The following RBM45 variants were observed in gnomAD, a reference collection of about 807,000 sequenced individuals.
The protein encoded by RBM45 is RNA-binding protein 45.
A neutral mutation model predicts 58.5 loss-of-function variants in RBM45; 39 were observed. The ratio of observed to expected loss-of-function variants is 0.67; its 90% CI spans 0.52 to 0.87. The LOEUF is 0.87. RBM45 is among the 40% of genes least tolerant of loss of function. The probability of loss-of-function intolerance (pLI) is 0.00; values close to 1 mark genes in which losing one functional copy is unlikely to be tolerated. For synonymous variants in RBM45, 193 were observed against 203.0 expected, an observed-to-expected ratio of 0.95 and a Z score of 0.42; for missense variants, 481 against 581.6, an observed-to-expected ratio of 0.83 and a Z score of 1.78.
chr2:178,127,044 CTT>C (rs2087940328), intron 9 of RBM45, among the ~76,000 whole-genome samples: 1 of 152,050 alleles, frequency 6.6e-6, no homozygotes, highest in Admixed American at 6.5e-5. Context: ...ACAAGTGATT[CTT>C]CTGCCTCAGC....
intron 9 of RBM45, among the ~76,000 whole-genome samples, chr2:178,128,753 T>C (rs1369375059): frequency 6.6e-6 from 1 of 152,258 alleles, no homozygotes; most frequent in African/African-American, 2.4e-5. Context: ...TTTCTTCTAA[T>C]TGCAGCATGG....
At chr2:178,114,284 C>T (rs1473848557) in intron 1 of RBM45, among the ~76,000 whole-genome samples, 1 of 152,036 alleles carries the variant, frequency 6.6e-6, no homozygotes, top group East Asian at 1.9e-4. Context: ...TATCGCTGTC[C>T]AATTATGACC....
chr2:178,124,987 C>T (rs1266858870), intron 8 of RBM45, among the ~76,000 whole-genome samples: 1 of 152,078 alleles, frequency 6.6e-6, no homozygotes, highest in Non-Finnish European at 1.5e-5. Flanking sequence ...TTTAACATAA[C>T]TCCTTTCTTT....
At chr2:178,134,701 G>A (rs1340156609) in intron 3 of RBM45, among the ~76,000 whole-genome samples, 1 of 151,940 alleles carries the variant, frequency 6.6e-6, no homozygotes, top group African/African-American at 2.4e-5. Flanking sequence ...TGTCAACAAA[G>A]CCTATCTGGG....
At position 178,121,214 on chromosome 2, in the gene RBM45, T is replaced by C. The variant is rs951432458; in HGVS notation, c.708T>C (p.Asn236=). ...QQSEFSSFDK[N]DSRGQEAISK... ...CTGAATTTTCAAGTTTTGACAAGAA[T>C]GATAGCCGAGGCCAGGAAGCAATCT... Residue 236 remains asparagine, a synonymous_variant, in exon 5 of 10, where the codon AAT becomes AAC. Coordinates refer to ENST00000286070, the MANE Select transcript of RBM45 (RefSeq NM_152945.4). 2 of 1,578,284 alleles carry C rather than the reference T, an allele frequency of 1.3e-6. No individual in the cohort carries two copies. Among genetic ancestry groups the C allele is most frequent in the African/African-American group, 2.7e-5 (2 of 73,036 alleles).
chr2:178,123,097 G>T lies in RBM45; in HGVS notation c.854-425G>T, dbSNP rs1382707197. On this transcript the variant is annotated intron_variant, in intron 5 of 9. Transcript: ENST00000286070. ...CTCTCCCTACTGCTGCAGATAGCCG[G>T]GATGAGTATATATTCTTTTCAACTA... is the stretch of plus-strand genomic sequence containing the variant. 5.9e-5 allele frequency among the ~76,000 whole-genome samples: 9 copies of T among 151,988 alleles called. No individual in the cohort carries two copies. In the South Asian group the frequency reaches 1.7e-3, roughly 28 times the overall value.
At chr2:178,115,788 A>G (rs1391625789) in intron 1 of RBM45, among the ~76,000 whole-genome samples, 1 of 152,218 alleles carries the variant, frequency 6.6e-6, no homozygotes, top group Non-Finnish European at 1.5e-5. Context: ...TACTCTGGCT[A>G]AAAATAAATG....
chr2:178,124,116 C>A lies in RBM45; in HGVS notation c.1069-11C>A. The stretch of plus-strand genomic sequence containing the variant: ...ATTTTTTTCTTTTTCTTGTTTTCTA[C>A]CTGTTAACAGCAATTTGGAGGAAGC... On this transcript the variant is annotated splice_polypyrimidine_tract_variant and intron_variant, in intron 7 of 9. Coordinates refer to ENST00000286070, the MANE Select transcript of RBM45 (RefSeq NM_152945.4). The A allele has an allele frequency of 6.3e-7, 1 of 1,578,124 alleles. No individual in the cohort carries two copies. Among genetic ancestry groups the A allele is most frequent in the Admixed American group, 2.0e-5 (1 of 49,822 alleles).
chr2:178,125,675 A>C, intron 8 of RBM45: 2 of 517,024 alleles, frequency 3.9e-6, no homozygotes, highest in Non-Finnish European at 3.9e-6. Context: ...TTAGGGAGTA[A>C]ATGATCATAT....
chr2:178,135,201 G>T (rs1206531494), intron 3 of RBM45, among the ~76,000 whole-genome samples: 1 of 152,188 alleles, frequency 6.6e-6, no homozygotes, highest in Admixed American at 6.5e-5. Context: ...ATTTTAATCT[G>T]TTACTTAAAG....
downstream of RBM45, among the ~76,000 whole-genome samples, chr2:178,132,447 A>G (rs1016278274): frequency 1.3e-4 from 20 of 152,220 alleles, no homozygotes; most frequent in African/African-American, 4.1e-4. Flanking sequence ...GAATGAATCC[A>G]TGGAAAGTAG....
exon 4 of RBM45, chr2:178,136,465 G>A (rs1230747572): frequency 6.6e-6 from 1 of 152,138 alleles, no homozygotes; most frequent in Non-Finnish European, 1.5e-5. Context: ...TTCACTAGTG[G>A]CCCTGAAGCT....
At chr2:178,127,470 T>G (rs889997202) in intron 9 of RBM45, among the ~76,000 whole-genome samples, 42 of 152,220 alleles carry the variant, frequency 2.8e-4, no homozygotes, top group Admixed American at 2.5e-3. Flanking sequence ...CTGATGACCC[T>G]TCCTCTCCTA....
chr2:178,121,403 T>TACACAC (rs55710214), intron 5 of RBM45, 44 bp downstream of exon 5: 36 of 593,456 alleles, frequency 6.1e-5, no homozygotes, highest in East Asian at 3.6e-4. Flanking sequence ...TATGTATATA[T>TACACAC]ACACACACAC....
chr2:178,128,675 A>G (rs528401488), intron 9 of RBM45, among the ~76,000 whole-genome samples: 2 of 152,302 alleles, frequency 1.3e-5, no homozygotes, highest in South Asian at 2.1e-4. Context: ...CAGGGCAGAG[A>G]TAAAATAGGG....
At chr2:178,112,988 G>A in intron 1 of RBM45, 142 bp downstream of exon 1, 1 of 890,330 alleles carries the variant, frequency 1.1e-6, no homozygotes, top group Non-Finnish European at 1.7e-6. Flanking sequence ...CTTGGGGACA[G>A]GGGCTGCTTT....
chr2:178,122,947 A>G (rs983266510), intron 5 of RBM45, among the ~76,000 whole-genome samples: 2 of 152,170 alleles, frequency 1.3e-5, no homozygotes, highest in African/African-American at 4.8e-5. Flanking sequence ...TCCCTTCAAC[A>G]TCACCCTCCT....
At chr2:178,117,931 A>G (rs1382089030) in intron 2 of RBM45, 124 bp from the exon 3 acceptor site, 3 of 650,646 alleles carry the variant, frequency 4.6e-6, no homozygotes, top group Non-Finnish European at 7.4e-6. Flanking sequence ...CAATATCTGC[A>G]TATTTTATAC....
chr2:178,121,549 A>G (rs2087853572), intron 5 of RBM45, among the ~76,000 whole-genome samples, 190 bp downstream of exon 5: 1 of 152,164 alleles, frequency 6.6e-6, no homozygotes, highest in African/African-American at 2.4e-5. Flanking sequence ...AATTCAAAAT[A>G]TGGTGATACC....
Sources: gnomAD v4.1 joint callset for allele counts (sites outside exome capture counted in the v4.1 genomes callset) on GRCh38, gnomAD v4.1.1 for gene constraint, MANE v1.5 for transcripts, NCBI Gene and HGNC (gene_info 2026-07-23, HGNC 2026-07-21) for gene names.